The following TTYH1 variants were observed in gnomAD, a reference collection of about 807,000 sequenced individuals.
TTYH1 encodes the protein protein tweety homolog 1.
In TTYH1, 33 loss-of-function variants were observed where a neutral mutation model predicts 61.2. The ratio of observed to expected loss-of-function variants is 0.54; its 90% CI spans 0.41 to 0.72. The LOEUF is 0.72. Ranked by LOEUF, TTYH1 falls within the 30% of genes least tolerant of loss-of-function variation. The pLI is 0.00. For synonymous variants in TTYH1, 308 were observed against 266.4 expected, an observed-to-expected ratio of 1.16 and a Z score of -1.52; for missense variants, 538 against 575.8, an observed-to-expected ratio of 0.93 and a Z score of 0.67.
rs1188578058 is a variant in TTYH1 at position 54,420,433 on chromosome 19, T to C, written c.306-844T>C. Among the ~76,000 whole-genome samples, 1 of 151,890 alleles carries C rather than the reference T, an allele frequency of 6.6e-6. No individual in the cohort carries two copies. The highest frequency in any genetic ancestry group is 1.5e-5 in the Non-Finnish European group (1 of 67,934). On this transcript the variant is annotated intron_variant, in intron 2 of 13. Coordinates refer to ENST00000376530, the MANE Select transcript of TTYH1 (RefSeq NM_020659.4). The surrounding 1 kb of genome is among the most constrained non-coding windows in gnomAD (Gnocchi z 4.8). ...GAACAAGAGGAGCTTTGTAGGACTC[T>C]GAACAATGGGGCGGGGACACTGGGC... is the stretch of plus-strand genomic sequence containing the variant.
intron 4 of TTYH1, 179 bp from the exon 5 acceptor site, chr19:54,426,494 T>G: frequency 3.2e-6 from 2 of 629,106 alleles, no homozygotes; most frequent in Non-Finnish European, 5.8e-6. Flanking sequence ...ATGATAACAC[T>G]ATTTCACAGA....
chr19:54,416,829 C>T lies in TTYH1; in HGVS notation c.126+1151C>T. 1 of 1,293,734 alleles carries T rather than the reference C, an allele frequency of 7.7e-7. No individual in the cohort carries two copies. Among genetic ancestry groups the T allele is most frequent in the East Asian group, 5.6e-5 (1 of 18,010 alleles). 80.1% of individuals were successfully genotyped at this position (1,293,734 alleles called of 1,614,324 possible). A position where few individuals can be genotyped will look rare whatever the true frequency, so the allele number is the denominator to read the frequency against. On this transcript the variant is annotated intron_variant, in intron 1 of 13. Transcript: ENST00000376530. The surrounding 1 kb of genome is among the most constrained non-coding windows in gnomAD (Gnocchi z 7.0). ...ACGGCCACCTCCAACAACGCCGCTC[C>T]ACCGGCTCCGGCCTCGGCCCAGACT...
chr19:54,432,781 T>G (rs575823261), intron 10 of TTYH1: 1 of 152,294 alleles, frequency 6.6e-6, no homozygotes, highest in East Asian at 1.9e-4. Context: ...TAGAAAATTA[T>G]GTATTGGGCA....
At chr19:54,430,440 G>A in intron 7 of TTYH1, 110 bp from the exon 8 acceptor site, 1 of 1,204,268 alleles carries the variant, frequency 8.3e-7, no homozygotes, top group South Asian at 1.2e-5. Context: ...GGGCTCCAGG[G>A]CTGGGCTGAG....
chr19:54,422,632 A>G (rs1381619837), intron 4 of TTYH1, among the ~76,000 whole-genome samples: 2 of 152,024 alleles, frequency 1.3e-5, no homozygotes, highest in Non-Finnish European at 2.9e-5. Flanking sequence ...CACCATGACA[A>G]TTATGACGAG....
intron 1 of TTYH1, chr19:54,418,135 C>G (rs532677855): frequency 6.6e-6 from 1 of 152,180 alleles, no homozygotes; most frequent in East Asian, 1.9e-4. Context: ...AATGTTGTCC[C>G]TCCATGCTCC....
rs752347418 is a variant in TTYH1, at chr19:54,435,797, CCT to C, written c.1269-26_1269-25del. On this transcript the variant is annotated intron_variant, in intron 11 of 13. Coordinates refer to ENST00000376530, the MANE Select transcript of TTYH1 (RefSeq NM_020659.4). ...AGCCTCCTGATGGGTCCCCATCCCG[CCT>C]CTCTGCCATGCCCCGCATCAAACCC... 6.2e-6 allele frequency: 10 copies of C among 1,613,884 alleles called. No homozygotes were observed. In the East Asian group the frequency reaches 2.0e-4, roughly 32 times the overall value.
Position 54,416,723 on chromosome 19 carries a change from C to G in TTYH1, c.126+1045C>G. ...ACGGCTGGCACAGCCCTGAGCAGCT[C>G]TTCCCCGCCTGCTCCTCGCCGCCCC... On this transcript the variant is annotated intron_variant, in intron 1 of 13. Transcript: ENST00000376530. This position sits in a 1 kb window ranked among gnomAD's most constrained non-coding sequence, Gnocchi z 7.0. 1 of 1,285,188 alleles carries G rather than the reference C, an allele frequency of 7.8e-7. No homozygotes were observed. Among genetic ancestry groups the G allele is most frequent in the Non-Finnish European group, 1.0e-6 (1 of 984,510 alleles). The allele number at this position is 1,285,188 out of a possible 1,614,324, so 79.6% of individuals were successfully genotyped here. A position where few individuals can be genotyped will look rare whatever the true frequency, so the allele number is the denominator to read the frequency against.
chr19:54,427,979 C>T (rs904005158), intron 5 of TTYH1, among the ~76,000 whole-genome samples: 7 of 151,698 alleles, frequency 4.6e-5, no homozygotes, highest in Admixed American at 1.3e-4. Flanking sequence ...GGCATGATCA[C>T]GGCTCACTAC....
chr19:54,419,223 C>T lies in TTYH1; in HGVS notation c.222C>T (p.Pro74=). 1 of 1,610,156 alleles carries T rather than the reference C, an allele frequency of 6.2e-7. No individual in the cohort carries two copies. The highest frequency in any genetic ancestry group is 1.6e-4 in the Middle Eastern group (1 of 6,062). ...VYLIRFCCCR[P]PEPPGSKIPS... ...TCATCCGCTTCTGCTGCTGCCGGCCCCCCGAGCCCCCCGGGTCCAAGATCC... is the reference window on the plus strand; with the variant it reads ...TCATCCGCTTCTGCTGCTGCCGGCCTCCCGAGCCCCCCGGGTCCAAGATCC... Residue 74 remains proline (P), a synonymous_variant, in exon 2 of 14, where the codon CCC becomes CCT. Transcript: ENST00000376530. This position sits in a 1 kb window ranked among gnomAD's most constrained non-coding sequence, Gnocchi z 6.1.
chr19:54,426,581 G>A (rs964933468), intron 4 of TTYH1, 92 bp from the exon 5 acceptor site: 3 of 969,686 alleles, frequency 3.1e-6, no homozygotes, highest in Non-Finnish European at 4.9e-6. Flanking sequence ...GGCTGAGCTG[G>A]GGGGCAGGGT....
Position 54,436,091 on chromosome 19 carries a change from G to A in TTYH1, c.1315G>A (p.Glu439Lys), listed in dbSNP as rs2083545776. ...TDDDDPFNPQ[E>K]SKRFVQWQSS... Reference sequence around the variant, plus strand: ...CCCGCTACCCCGAATCTCCTAGCAGGAATCCAAGCGCTTTGTGCAGTGGCA... The same window carrying A: ...CCCGCTACCCCGAATCTCCTAGCAGAAATCCAAGCGCTTTGTGCAGTGGCA... Residue 439 changes from glutamate (E) to lysine (K), a missense_variant and splice_region_variant, in exon 13 of 14, where the codon GAA becomes AAA. Physicochemically the swap from Glu to Lys is moderately conservative, Grantham distance 56. Around this residue, in one of 3 missense-constraint regions of TTYH1, gnomAD observed 378 missense variants for 401.2 expected, o/e 0.94. Coordinates refer to ENST00000376530, the MANE Select transcript of TTYH1 (RefSeq NM_020659.4). This position sits in a 1 kb window ranked among gnomAD's most constrained non-coding sequence, Gnocchi z 4.3. 1 of 1,614,048 alleles carries A rather than the reference G, an allele frequency of 6.2e-7. No homozygotes were observed. Among genetic ancestry groups the A allele is most frequent in the Admixed American group, 1.7e-5 (1 of 60,008 alleles).
intron 10 of TTYH1, chr19:54,431,567 G>A (rs1204574801): frequency 3.6e-6 from 1 of 276,588 alleles, no homozygotes; most frequent in Non-Finnish European, 6.9e-6. Context: ...TCTGGAGCAA[G>A]ACTGCCTGGG....
chr19:54,430,673 C>CGGGGCT (rs1555970658), intron 8 of TTYH1, 68 bp downstream of exon 8: 8 of 445,208 alleles, frequency 1.8e-5, no homozygotes, highest in Admixed American at 8.6e-5. Flanking sequence ...AGGGAGGGGG[C>CGGGGCT]GGGGCTGGGG....
At chr19:54,427,298 CAAAAA>C (rs752663363) in intron 5 of TTYH1, among the ~76,000 whole-genome samples, 14 of 15,380 alleles carry the variant, frequency 9.1e-4, no homozygotes, top group Non-Finnish European at 1.2e-3. Flanking sequence ...CACTCCATCT[CAAAAA>C]AAAAAAAAAA....
intron 10 of TTYH1, among the ~76,000 whole-genome samples, 161 bp from the exon 11 acceptor site, chr19:54,435,381 T>G (rs537967401): frequency 2.6e-5 from 4 of 152,208 alleles, no homozygotes; most frequent in African/African-American, 9.6e-5. Flanking sequence ...CTGTACCCAC[T>G]GTATTCTCAG....
At chr19:54,435,990 G>A (rs999865473) in intron 12 of TTYH1, 101 bp from the exon 13 acceptor site, 46 of 1,567,914 alleles carry the variant, frequency 2.9e-5, no homozygotes, top group African/African-American at 1.5e-4. Flanking sequence ...GCTGGGGCCC[G>A]GACTCCTGGG....
rs2083556667 is a variant in TTYH1, at chr19:54,436,540, G to A, written c.*250G>A. On this transcript the variant is annotated 3_prime_UTR_variant, in exon 14 of 14. Transcript: ENST00000376530. The surrounding 1 kb of genome is among the most constrained non-coding windows in gnomAD (Gnocchi z 4.3). ...GGGAGGGGGCAGACAGCCTCGCCTCGCACCCTTCATCCCTGGCTGCCGGTC... is the reference window on the plus strand; with the variant it reads ...GGGAGGGGGCAGACAGCCTCGCCTCACACCCTTCATCCCTGGCTGCCGGTC... 18 of 707,418 alleles carry A rather than the reference G, an allele frequency of 2.5e-5. No homozygotes were observed. In the East Asian group the frequency reaches 3.8e-4, roughly 15 times the overall value. 43.8% of individuals were successfully genotyped at this position (707,418 alleles called of 1,614,324 possible).
chr19:54,421,340 C>T lies in TTYH1; in HGVS notation c.369C>T (p.Ser123=). 6.2e-7 allele frequency: 1 copy of T among 1,613,790 alleles called. No individual in the cohort carries two copies. The highest frequency in any genetic ancestry group is 1.1e-5 in the South Asian group (1 of 91,082). ...SETSDGVSQL[S]SALLHANHTL... is the part of the protein sequence containing the mutation. ...CCAGTGATGGGGTGTCCCAGCTCAG[C>T]TCTGCGCTGCTGCACGCCAACCACA... The change falls in exon 3 of 14, where the codon AGC becomes AGT. Residue 123 remains serine (S), a synonymous_variant. Coordinates refer to ENST00000376530, the MANE Select transcript of TTYH1 (RefSeq NM_020659.4). This position sits in a 1 kb window ranked among gnomAD's most constrained non-coding sequence, Gnocchi z 4.8.
Sources: gnomAD v4.1 joint callset for allele counts (sites outside exome capture counted in the v4.1 genomes callset) on GRCh38, gnomAD v4.1.1 for gene constraint, gnomAD v4.1.1 regional missense constraint, Gnocchi (gnomAD v3.1) non-coding constraint, MANE v1.5 for transcripts, NCBI Gene and HGNC (gene_info 2026-07-23, HGNC 2026-07-21) for gene names.